Variants in CDRT4 observed in about 807,000 individuals in gnomAD.
The protein encoded by CDRT4 is CMT1A duplicated region transcript 4.
For missense variants in CDRT4, 167 were observed against 193.1 expected, an observed-to-expected ratio of 0.87 and a Z score of 0.80; for synonymous variants, 64 against 69.6, an observed-to-expected ratio of 0.92 and a Z score of 0.40.
chr17:15,457,533 T>C (rs1979541463), intron 1 of CDRT4, among the ~76,000 whole-genome samples: 1 of 152,206 alleles, frequency 6.6e-6, no homozygotes, highest in African/African-American at 2.4e-5. Context: ...CCTGCTTTCA[T>C]TCTCTTGCCA....
At chr17:15,459,888 A>C (rs940209099) in intron 1 of CDRT4, among the ~76,000 whole-genome samples, 1 of 151,948 alleles carries the variant, frequency 6.6e-6, no homozygotes, top group Non-Finnish European at 1.5e-5. Flanking sequence ...TTGGCAAGGG[A>C]GCCAGCAGGC....
At chr17:15,455,270 G>A (rs1273047698) in intron 1 of CDRT4, among the ~76,000 whole-genome samples, 1 of 152,178 alleles carries the variant, frequency 6.6e-6, no homozygotes, top group African/African-American at 2.4e-5. Context: ...GTCTCTAGAT[G>A]CTATGCCAAC....
rs1173736088 is a variant in CDRT4 at position 15,450,097 on chromosome 17, A to G, written c.-48+2907T>C. On this transcript the variant is annotated intron_variant, in intron 2 of 3. Coordinates refer to ENST00000619038, the MANE Select transcript of CDRT4 (RefSeq NM_001204477.2). The surrounding 1 kb of genome is among the most constrained non-coding windows in gnomAD (Gnocchi z 4.2). Reference sequence around the variant, plus strand: ...CCCAGTAGTGGAACTGTTGTGTCCAATGGTAGTTCTATGTTTAGTTCTTTA... The same window carrying G: ...CCCAGTAGTGGAACTGTTGTGTCCAGTGGTAGTTCTATGTTTAGTTCTTTA... Among the ~76,000 whole-genome samples, 2 of 152,184 alleles carry G rather than the reference A, an allele frequency of 1.3e-5. No homozygotes were observed. The highest frequency in any genetic ancestry group is 6.5e-5 in the Admixed American group (1 of 15,280).
At chr17:15,456,314 G>C (rs1233487991) in intron 1 of CDRT4, among the ~76,000 whole-genome samples, 1 of 152,082 alleles carries the variant, frequency 6.6e-6, no homozygotes, top group Non-Finnish European at 1.5e-5. Context: ...AGATACGGGG[G>C]GAAGGCTCAG....
At chr17:15,441,510 T>C (rs1379800767) in intron 2 of CDRT4, among the ~76,000 whole-genome samples, 1 of 152,168 alleles carries the variant, frequency 6.6e-6, no homozygotes, top group Non-Finnish European at 1.5e-5. Context: ...GCCACGTACG[T>C]GAGGGCTGAC....
intron 2 of CDRT4, chr17:15,444,094 T>C (rs1978905345): frequency 8.1e-7 from 1 of 1,228,638 alleles, no homozygotes. Context: ...GCGACTTTGA[T>C]TCAGCAAGCC....
chr17:15,449,416 G>T (rs537549242), intron 2 of CDRT4, among the ~76,000 whole-genome samples: 18 of 152,338 alleles, frequency 1.2e-4, no homozygotes, highest in African/African-American at 3.8e-4. Flanking sequence ...CCCTCAGGCA[G>T]TCTAGCTGCA....
chr17:15,455,002 A>G (rs1206848123), intron 1 of CDRT4, among the ~76,000 whole-genome samples: 1 of 152,128 alleles, frequency 6.6e-6, no homozygotes, highest in Non-Finnish European at 1.5e-5. Context: ...TCTATGATTT[A>G]TGACTGGGGG....
intron 2 of CDRT4, among the ~76,000 whole-genome samples, chr17:15,447,886 C>G (rs1248339316): frequency 1.3e-5 from 2 of 152,022 alleles, no homozygotes; most frequent in African/African-American, 4.8e-5. Context: ...AAGAAAGATA[C>G]GGAGAAACAA....
intron 1 of CDRT4, among the ~76,000 whole-genome samples, chr17:15,463,967 C>T (rs56137000): frequency 0.025 from 3,743 of 152,110 alleles, 153 homozygotes; most frequent in African/African-American, 0.086. Flanking sequence ...GCAGAGGAGC[C>T]GGCAAAGTGA....
chr17:15,448,076 T>G, intron 2 of CDRT4, among the ~76,000 whole-genome samples: 1 of 152,124 alleles, frequency 6.6e-6, no homozygotes, highest in Non-Finnish European at 1.5e-5. Flanking sequence ...GTTGAAACAA[T>G]AGGGACATTG....
chr17:15,466,140 GGCCAGTGGGTGAACTGACAAGT>G (rs1381988003), intron 1 of CDRT4, among the ~76,000 whole-genome samples: 6 of 152,188 alleles, frequency 3.9e-5, no homozygotes, highest in African/African-American at 1.4e-4. Context: ...CCCTGACCCA[GGCCAGTGGGTGAACTGACAAGT>G]GACAGAGTCT....
intron 2 of CDRT4, among the ~76,000 whole-genome samples, chr17:15,449,021 G>A (rs1247442658): frequency 2.0e-5 from 3 of 152,114 alleles, no homozygotes; most frequent in African/African-American, 2.4e-5. Context: ...CCCCAATAAC[G>A]ATGCTACATC....
intron 1 of CDRT4, among the ~76,000 whole-genome samples, chr17:15,457,337 C>T (rs1044453500): frequency 6.6e-6 from 1 of 152,180 alleles, no homozygotes; most frequent in Non-Finnish European, 1.5e-5. Flanking sequence ...TTCCCGGATG[C>T]GTTTTCAAAA....
Position 15,436,284 on chromosome 17 carries a change from T to C in CDRT4, c.*1489A>G, listed in dbSNP as rs1317421651. 1 of 152,232 alleles carries C rather than the reference T, an allele frequency of 6.6e-6. No individual in the cohort carries two copies. The highest frequency in any genetic ancestry group is 2.4e-5 in the African/African-American group (1 of 41,456). 9.4% of individuals were successfully genotyped at this position (152,232 alleles called of 1,614,324 possible). ...AGACCCTTGAATGGAGAACATGCCT[T>C]GTAGGGCAAATTCAACTTTTCCAAA... On this transcript the variant is annotated 3_prime_UTR_variant, in exon 4 of 4. Transcript: ENST00000619038.
At chr17:15,459,066 G>A (rs1166912726) in intron 1 of CDRT4, among the ~76,000 whole-genome samples, 1 of 152,196 alleles carries the variant, frequency 6.6e-6, no homozygotes, top group Non-Finnish European at 1.5e-5. Flanking sequence ...CAGAAATGGC[G>A]TGAGGGCTCC....
At chr17:15,454,887 T>C (rs1023566781) in intron 1 of CDRT4, among the ~76,000 whole-genome samples, 1 of 152,152 alleles carries the variant, frequency 6.6e-6, no homozygotes, top group Non-Finnish European at 1.5e-5. Context: ...GTTATGATGA[T>C]CCAATTGATG....
At chr17:15,446,412 G>A in intron 2 of CDRT4, among the ~76,000 whole-genome samples, 1 of 152,090 alleles carries the variant, frequency 6.6e-6, no homozygotes, top group East Asian at 1.9e-4. Context: ...ACAGACACTG[G>A]GGACCCTTGG....
intron 1 of CDRT4, among the ~76,000 whole-genome samples, chr17:15,458,783 T>A (rs1241841031): frequency 6.6e-6 from 1 of 152,148 alleles, no homozygotes; most frequent in African/African-American, 2.4e-5. Flanking sequence ...GGAGCCTGTA[T>A]AATCCAGACA....
Sources: gnomAD v4.1 joint callset for allele counts (sites outside exome capture counted in the v4.1 genomes callset) on GRCh38, gnomAD v4.1.1 for gene constraint, Gnocchi (gnomAD v3.1) non-coding constraint, MANE v1.5 for transcripts, NCBI Gene and HGNC (gene_info 2026-07-23, HGNC 2026-07-21) for gene names.